The following RSBN1L variants were observed in gnomAD, a reference collection of about 807,000 sequenced individuals.
RSBN1L encodes lysine-specific demethylase RSBN1L.
Under a neutral mutation model 67.7 loss-of-function variants are expected in RSBN1L, and 30 were observed. The ratio of observed to expected loss-of-function variants is 0.44; its 90% CI spans 0.33 to 0.60. The LOEUF (loss-of-function observed/expected upper bound fraction) is 0.60. RSBN1L is among the 20% of genes least tolerant of loss of function. The pLI, the probability that RSBN1L is intolerant of heterozygous loss-of-function variation, is 0.02. For missense variants in RSBN1L, 992 were observed against 1,031.7 expected (o/e 0.96, Z 0.53); for synonymous variants, 433 against 387.0 (o/e 1.12, Z -1.39).
chr7:77,772,322 T>C (rs1391395819), intron 5 of RSBN1L, among the ~76,000 whole-genome samples: 1 of 152,120 alleles, frequency 6.6e-6, no homozygotes, highest in Non-Finnish European at 1.5e-5. Context: ...GAGACAATTA[T>C]GGGGGTAATA....
intron 1 of RSBN1L, among the ~76,000 whole-genome samples, chr7:77,709,148 CTGTT>C (rs1790933321): frequency 8.8e-6 from 1 of 113,010 alleles, no homozygotes; most frequent in African/African-American, 3.4e-5. Flanking sequence ...AGAAGGGATT[CTGTT>C]TGTGTGTGTG....
chr7:77,722,247 G>C (rs1474721768), intron 1 of RSBN1L, among the ~76,000 whole-genome samples: 1 of 152,102 alleles, frequency 6.6e-6, no homozygotes, highest in Non-Finnish European at 1.5e-5. Context: ...AGATTAATTT[G>C]GAGATTAGTT....
rs1388507452 is a variant in RSBN1L, at chr7:77,779,138, AG to A, written c.2512del (p.Asp838IlefsTer16). ...RQHSSAHSNQ[D>X]KKDDDILC ...AACACAGTTCAGCACATTCAAATCA[AG>A]ATAAAAAAGACGATGACATTTTGTG... On this transcript the variant is annotated frameshift_variant, in exon 8 of 8. Transcript: ENST00000334955. LOFTEE classifies it high-confidence loss of function. 6.3e-7 allele frequency: 1 copy of A among 1,587,286 alleles called. No individual in the cohort carries two copies. The highest frequency in any genetic ancestry group is 8.5e-7 in the Non-Finnish European group (1 of 1,171,052).
intron 1 of RSBN1L, among the ~76,000 whole-genome samples, chr7:77,726,535 C>T (rs994262711): frequency 3.9e-5 from 6 of 152,038 alleles, no homozygotes; most frequent in South Asian, 2.1e-4. Context: ...TTAAAAATAT[C>T]GAAAAATTTA....
At chr7:77,709,515 C>T (rs1014575547) in intron 1 of RSBN1L, among the ~76,000 whole-genome samples, 2 of 152,096 alleles carry the variant, frequency 1.3e-5, no homozygotes, top group African/African-American at 2.4e-5. Flanking sequence ...GTCTCAAACT[C>T]CTGACCTCAG....
chr7:77,712,523 C>G (rs1405256769), intron 1 of RSBN1L, among the ~76,000 whole-genome samples: 1 of 152,154 alleles, frequency 6.6e-6, no homozygotes, highest in East Asian at 1.9e-4. Context: ...AGGTGATCCA[C>G]CCTCCTCAGC....
At chr7:77,702,302 T>G (rs1790829260) in intron 1 of RSBN1L, among the ~76,000 whole-genome samples, 1 of 152,238 alleles carries the variant, frequency 6.6e-6, no homozygotes, top group Non-Finnish European at 1.5e-5. Flanking sequence ...TAAGAGCTCC[T>G]GTCCTTTGTT....
chr7:77,759,420 G>A (rs1791668987), intron 3 of RSBN1L, among the ~76,000 whole-genome samples: 1 of 152,122 alleles, frequency 6.6e-6, no homozygotes. Flanking sequence ...GAAATAAAAT[G>A]TTGGTTAAAT....
intron 1 of RSBN1L, among the ~76,000 whole-genome samples, chr7:77,724,967 C>G (rs1317274069): frequency 6.6e-6 from 1 of 150,996 alleles, no homozygotes; most frequent in Non-Finnish European, 1.5e-5. Context: ...CTCAGCCTCC[C>G]GAGTAGCTGG....
chr7:77,737,595 C>T (rs764412191), intron 2 of RSBN1L, among the ~76,000 whole-genome samples: 4 of 152,144 alleles, frequency 2.6e-5, no homozygotes, highest in Non-Finnish European at 5.9e-5. Context: ...TTAGTTAATG[C>T]TCATGATCCT....
At chr7:77,737,176 T>TTA (rs1462826531) in intron 2 of RSBN1L, among the ~76,000 whole-genome samples, 28 of 152,300 alleles carry the variant, frequency 1.8e-4, no homozygotes, top group African/African-American at 6.0e-4. Flanking sequence ...TGTGGTAGAA[T>TTA]AGACGTAAGG....
chr7:77,739,737 G>GTT (rs1562801652), intron 2 of RSBN1L, among the ~76,000 whole-genome samples: 6 of 61,190 alleles, frequency 9.8e-5, no homozygotes, highest in East Asian at 7.0e-4. Flanking sequence ...AAAAAAATGT[G>GTT]TCTTTTTTTT....
intron 4 of RSBN1L, among the ~76,000 whole-genome samples, chr7:77,766,066 G>A (rs1791762586): frequency 6.6e-6 from 1 of 152,194 alleles, no homozygotes; most frequent in Admixed American, 6.5e-5. Flanking sequence ...AAACTCGCCT[G>A]GGAAATTACA....
chr7:77,725,425 T>A (rs1332567744), intron 1 of RSBN1L, among the ~76,000 whole-genome samples: 1 of 149,658 alleles, frequency 6.7e-6, no homozygotes, highest in Non-Finnish European at 1.5e-5. Context: ...TTTTGTATTT[T>A]TAGTATGAAC....
chr7:77,773,544 C>T, intron 6 of RSBN1L: 1 of 291,356 alleles, frequency 3.4e-6, no homozygotes, highest in African/African-American at 2.2e-5. Flanking sequence ...GTGGGTGGAT[C>T]ACAAGGTCAG....
At chr7:77,777,895 A>G (rs1791938145) in intron 6 of RSBN1L, among the ~76,000 whole-genome samples, 6 of 152,140 alleles carry the variant, frequency 3.9e-5, no homozygotes, top group Admixed American at 3.9e-4. Context: ...AAAGTTATTT[A>G]AGAGTTTTAT....
intron 2 of RSBN1L, among the ~76,000 whole-genome samples, chr7:77,739,993 C>G (rs1791388144): frequency 6.6e-6 from 1 of 151,468 alleles, no homozygotes; most frequent in African/African-American, 2.4e-5. Context: ...GTCAGGCAGC[C>G]TGCCTGACCC....
intron 1 of RSBN1L, among the ~76,000 whole-genome samples, chr7:77,712,950 A>G (rs910601006): frequency 1.3e-5 from 2 of 152,128 alleles, no homozygotes; most frequent in Admixed American, 6.5e-5. Context: ...AAGATAAACA[A>G]TTTGCTGTCT....
intron 2 of RSBN1L, among the ~76,000 whole-genome samples, chr7:77,745,068 C>T (rs1424469772): frequency 1.3e-5 from 2 of 151,996 alleles, no homozygotes; most frequent in African/African-American, 4.8e-5. Flanking sequence ...TCAAGACCAG[C>T]CTGAACAACA....
Sources: gnomAD v4.1 joint callset for allele counts (sites outside exome capture counted in the v4.1 genomes callset) on GRCh38, gnomAD v4.1.1 for gene constraint, MANE v1.5 for transcripts, NCBI Gene and HGNC (gene_info 2026-07-23, HGNC 2026-07-21) for gene names.